INPP5D: variants seen among roughly 807,000 people sequenced by gnomAD.
INPP5D encodes inositol polyphosphate-5-phosphatase D.
INPP5D carries 33 observed loss-of-function variants against 122.9 expected under a neutral mutation model. The observed-to-expected ratio is 0.27, with a 90% CI of 0.20 to 0.36. The LOEUF is 0.36. Ranked by LOEUF, INPP5D falls within the 10% of genes least tolerant of loss-of-function variation. The probability of loss-of-function intolerance (pLI) is 1.00; values close to 1 mark genes in which losing one functional copy is unlikely to be tolerated. For synonymous variants in INPP5D, 584 were observed against 576.2 expected, an observed-to-expected ratio of 1.01 and a Z score of -0.19; for missense variants, 1,053 against 1,412.7, an observed-to-expected ratio of 0.75 and a Z score of 4.08.
chr2:233,094,827 G>T (rs961406037), intron 2 of INPP5D, among the ~76,000 whole-genome samples: 3 of 152,172 alleles, frequency 2.0e-5, no homozygotes, highest in Admixed American at 2.0e-4. Context: ...CCACGGGAGG[G>T]AGTGCAAATG....
At chr2:233,084,785 G>A (rs1691789068) in intron 2 of INPP5D, among the ~76,000 whole-genome samples, 1 of 152,260 alleles carries the variant, frequency 6.6e-6, no homozygotes, top group African/African-American at 2.4e-5. Context: ...TCAGGGCATA[G>A]AAGCCTAGCA....
chr2:233,152,372 A>G (rs1279811603), intron 9 of INPP5D, among the ~76,000 whole-genome samples: 1 of 152,222 alleles, frequency 6.6e-6, no homozygotes, highest in Non-Finnish European at 1.5e-5. Context: ...CAGTTGCTGT[A>G]TGTTCAAATC....
chr2:233,106,888 C>A (rs1692481393), intron 2 of INPP5D, among the ~76,000 whole-genome samples: 1 of 152,210 alleles, frequency 6.6e-6, no homozygotes, highest in African/African-American at 2.4e-5. Flanking sequence ...GTGACATTAA[C>A]AGAGACTTCA....
At chr2:233,139,074 T>A (rs1360822304) in intron 5 of INPP5D, among the ~76,000 whole-genome samples, 1 of 152,088 alleles carries the variant, frequency 6.6e-6, no homozygotes, top group Non-Finnish European at 1.5e-5. Context: ...TTTATTCATA[T>A]AACAAAGATC....
chr2:233,060,608 G>C lies in INPP5D; in HGVS notation c.130G>C (p.Val44Leu). ...CATCTCCCGGGCATACGCGCTCTGC[G>C]TGCTGTGAGTACAACCTGCTCCCTC... The part of the protein sequence containing the change: ...ESISRAYALC[V>L]LYRNCVYTYR... Residue 44 changes from valine (V) to leucine (L), a missense_variant, in exon 1 of 27, where the codon GTG becomes CTG. Coordinates refer to ENST00000445964, the MANE Select transcript of INPP5D (RefSeq NM_001017915.3). The C allele has an allele frequency of 1.2e-6, 2 of 1,613,966 alleles. No homozygotes were observed. Among genetic ancestry groups the C allele is most frequent in the Non-Finnish European group, 1.7e-6 (2 of 1,179,846 alleles).
chr2:233,133,493 A>C (rs949964679), intron 5 of INPP5D, among the ~76,000 whole-genome samples: 1 of 152,212 alleles, frequency 6.6e-6, no homozygotes, highest in African/African-American at 2.4e-5. Context: ...GGCTGGTGTA[A>C]CATGTAAAAG....
intron 2 of INPP5D, among the ~76,000 whole-genome samples, chr2:233,091,943 A>G (rs1692004847): frequency 6.6e-6 from 1 of 152,238 alleles, no homozygotes; most frequent in Admixed American, 6.5e-5. Context: ...CTCAGTAAAC[A>G]TTTGCTGCAT....
chr2:233,175,639 A>T (rs1694602421), intron 17 of INPP5D, among the ~76,000 whole-genome samples: 1 of 152,136 alleles, frequency 6.6e-6, no homozygotes, highest in Admixed American at 6.5e-5. Flanking sequence ...AGTTTTTTTT[A>T]AAAAGTGAAT....
At chr2:233,080,429 G>A (rs1423066500) in intron 2 of INPP5D, among the ~76,000 whole-genome samples, 3 of 53,938 alleles carry the variant, frequency 5.6e-5, no homozygotes, top group African/African-American at 1.4e-4. Context: ...TCCACATCCC[G>A]GGTGTGTGTG....
intron 2 of INPP5D, among the ~76,000 whole-genome samples, chr2:233,088,691 G>A (rs998241490): frequency 3.3e-5 from 5 of 152,214 alleles, no homozygotes. Flanking sequence ...TGGCGAGGAC[G>A]CACAGAGGCC....
rs772583709 is a variant in INPP5D at position 233,164,014 on chromosome 2, T to C, written c.1437+111T>C. On this transcript the variant is annotated intron_variant, in intron 12 of 26. Transcript: ENST00000445964. This position sits in a 1 kb window ranked among gnomAD's most constrained non-coding sequence, Gnocchi z 4.3. ...CCTATCAGCTCTCAGTTTTCAAGGATGTCTGGAGGCCCCCACTGAGAGATG... is the reference window on the plus strand; with the variant it reads ...CCTATCAGCTCTCAGTTTTCAAGGACGTCTGGAGGCCCCCACTGAGAGATG... 6 of 1,465,968 alleles carry C rather than the reference T, an allele frequency of 4.1e-6. No individual in the cohort carries two copies. The highest frequency in any genetic ancestry group is 5.4e-6 in the Non-Finnish European group (6 of 1,109,194). 90.8% of individuals were successfully genotyped at this position (1,465,968 alleles called of 1,614,324 possible). A position where few individuals can be genotyped will look rare whatever the true frequency, so the allele number is the denominator to read the frequency against.
Position 233,204,613 on chromosome 2 carries a change from C to A in INPP5D, c.3463C>A (p.His1155Asn). The change falls in exon 26 of 27, where the codon CAC becomes AAC. Residue 1155 changes from histidine to asparagine, a missense_variant. Coordinates refer to ENST00000445964, the MANE Select transcript of INPP5D (RefSeq NM_001017915.3). ...GAGCCCGGCGGTGCTGCACCTCCAG[C>A]ACTCCAAGGGCCGCGACTACCGCGA... is the stretch of plus-strand genomic sequence containing the variant. ...VKSPAVLHLQ[H>N]SKGRDYRDNT... 1 of 1,576,518 alleles carries A rather than the reference C, an allele frequency of 6.3e-7. No homozygotes were observed. Among genetic ancestry groups the A allele is most frequent in the South Asian group, 1.2e-5 (1 of 86,262 alleles).
intron 2 of INPP5D, among the ~76,000 whole-genome samples, chr2:233,081,084 C>T (rs1244542105): frequency 6.6e-6 from 1 of 152,226 alleles, no homozygotes; most frequent in Non-Finnish European, 1.5e-5. Context: ...AGGGCGCCCG[C>T]AGGTTTGGCC....
At position 233,189,797 on chromosome 2, in the gene INPP5D, C is replaced by T; in HGVS notation, c.2359-53C>T. The T allele has an allele frequency of 6.3e-7, 1 of 1,595,382 alleles. No homozygotes were observed. Among genetic ancestry groups the T allele is most frequent in the Non-Finnish European group, 8.5e-7 (1 of 1,171,206 alleles). On this transcript the variant is annotated intron_variant, in intron 21 of 26. Transcript: ENST00000445964. This position sits in a 1 kb window ranked among gnomAD's most constrained non-coding sequence, Gnocchi z 5.6. ...TCATCCACTTGTCCACCCACCTGTC[C>T]CCTCACCTGTCCCTTGCCCATCAAC... is the stretch of plus-strand genomic sequence containing the variant.
intron 5 of INPP5D, among the ~76,000 whole-genome samples, chr2:233,132,145 G>C (rs1426154728): frequency 6.6e-6 from 1 of 152,162 alleles, no homozygotes; most frequent in African/African-American, 2.4e-5. Context: ...TTTATCACTA[G>C]GGGAAAACAC....
At chr2:233,117,976 C>T (rs997145773) in intron 2 of INPP5D, among the ~76,000 whole-genome samples, 1 of 152,178 alleles carries the variant, frequency 6.6e-6, no homozygotes, top group Non-Finnish European at 1.5e-5. Context: ...AAATGCTGCT[C>T]CAATTGCCAG....
chr2:233,168,154 A>C (rs1277500493), intron 13 of INPP5D, among the ~76,000 whole-genome samples: 1 of 152,182 alleles, frequency 6.6e-6, no homozygotes, highest in East Asian at 1.9e-4. Context: ...CACATTAAAA[A>C]GAAAACAAGT....
chr2:233,063,099 G>A (rs1007561048), intron 1 of INPP5D, among the ~76,000 whole-genome samples: 3 of 152,190 alleles, frequency 2.0e-5, no homozygotes, highest in Non-Finnish European at 4.4e-5. Context: ...TGACGGAGAC[G>A]GCAGAGGCAG....
At chr2:233,149,882 T>C (rs142164306) in intron 9 of INPP5D, among the ~76,000 whole-genome samples, 3 of 152,240 alleles carry the variant, frequency 2.0e-5, no homozygotes, top group African/African-American at 7.2e-5. Flanking sequence ...GAGTGCTCAA[T>C]ATCATTGACT....
Sources: gnomAD v4.1 joint callset for allele counts (sites outside exome capture counted in the v4.1 genomes callset) on GRCh38, gnomAD v4.1.1 for gene constraint, Gnocchi (gnomAD v3.1) non-coding constraint, MANE v1.5 for transcripts, NCBI Gene and HGNC (gene_info 2026-07-23, HGNC 2026-07-21) for gene names.